The following NKAIN2 variants were observed in gnomAD, a reference collection of about 807,000 sequenced individuals.
NKAIN2 encodes sodium/potassium-transporting ATPase subunit beta-1-interacting protein 2.
Under a neutral mutation model 32.6 loss-of-function variants are expected in NKAIN2, and 14 were observed. The observed-to-expected ratio is 0.43, with a 90% confidence interval of 0.28 to 0.67. The LOEUF (loss-of-function observed/expected upper bound fraction) is 0.67, where lower values mean the gene tolerates loss of function less well. Ranked by LOEUF, NKAIN2 falls within the 30% of genes least tolerant of loss-of-function variation. The pLI is 0.17. For synonymous variants in NKAIN2, 80 were observed against 87.2 expected (o/e 0.92, Z 0.46); for missense variants, 198 against 258.3 (o/e 0.77, Z 1.60).
chr6:124,204,366 A>G (rs1790750659), intron 1 of NKAIN2, among the ~76,000 whole-genome samples: 1 of 151,838 alleles, frequency 6.6e-6, no homozygotes, highest in Non-Finnish European at 1.5e-5. Context: ...TGGGACCAGT[A>G]AATTACAGAT....
chr6:124,804,125 T>C (rs760128157), intron 5 of NKAIN2, among the ~76,000 whole-genome samples: 1 of 152,202 alleles, frequency 6.6e-6, no homozygotes, highest in Non-Finnish European at 1.5e-5. Context: ...CCCATCTTGA[T>C]GCTACCAAAC....
intron 3 of NKAIN2, among the ~76,000 whole-genome samples, chr6:124,408,289 G>A (rs1328841839): frequency 6.6e-6 from 1 of 152,050 alleles, no homozygotes; most frequent in Non-Finnish European, 1.5e-5. Flanking sequence ...TGTCCTGAAT[G>A]GTATTGTCTA....
rs114798074 is a variant in NKAIN2 at position 124,562,845 on chromosome 6, C to T, written c.274-95341C>T. 3.9e-3 allele frequency among the ~76,000 whole-genome samples: 587 copies of T among 151,738 alleles called. 3 individuals carry two copies. The highest frequency in any genetic ancestry group is 0.013 in the African/African-American group (551 of 41,334). On this transcript the variant is annotated intron_variant, in intron 3 of 6. Transcript: ENST00000368417. ...TATGCCATATAGCTTCGGAAAATGC[C>T]GCTGTATACTCAAGGAGAAAACAGG...
chr6:124,016,290 A>G (rs879614783), intron 1 of NKAIN2, among the ~76,000 whole-genome samples: 2 of 152,210 alleles, frequency 1.3e-5, no homozygotes, highest in Non-Finnish European at 2.9e-5. Flanking sequence ...TAAAGCCTCA[A>G]GCAGTTGTAC....
At chr6:123,816,953 A>C (rs1015796549) in intron 1 of NKAIN2, among the ~76,000 whole-genome samples, 1 of 152,134 alleles carries the variant, frequency 6.6e-6, no homozygotes. Flanking sequence ...GTTTTATTAA[A>C]GATGCTTGGA....
intron 1 of NKAIN2, among the ~76,000 whole-genome samples, chr6:124,055,847 T>G (rs2114843806): frequency 6.6e-6 from 1 of 152,170 alleles, no homozygotes; most frequent in African/African-American, 2.4e-5. Context: ...TTCAAAAAGG[T>G]AAGGCAATAG....
intron 1 of NKAIN2, among the ~76,000 whole-genome samples, chr6:123,845,530 A>G (rs1186109354): frequency 6.6e-6 from 1 of 152,234 alleles, no homozygotes; most frequent in Non-Finnish European, 1.5e-5. Context: ...TTTTTATTAT[A>G]CAGTTGACTC....
intron 4 of NKAIN2, among the ~76,000 whole-genome samples, chr6:124,661,248 G>C (rs1784735247): frequency 6.6e-6 from 1 of 152,146 alleles, no homozygotes; most frequent in Admixed American, 6.6e-5. Flanking sequence ...ATGCAGTTTT[G>C]TAAAGTCAGC....
rs563555163 is a variant in NKAIN2, at chr6:124,096,383, A to C, written c.55-186622A>C. 5.5e-4 allele frequency among the ~76,000 whole-genome samples: 84 copies of C among 152,308 alleles called. No individual in the cohort carries two copies. In the South Asian group the frequency reaches 5.8e-3, roughly 11 times the overall value. Reference sequence around the variant, plus strand: ...GGACATCCCAATACTCTGATGTTTTAATGATCAGGTCCAGGAATGGCTTTA... The same window carrying C: ...GGACATCCCAATACTCTGATGTTTTCATGATCAGGTCCAGGAATGGCTTTA... On this transcript the variant is annotated intron_variant, in intron 1 of 6. Coordinates refer to ENST00000368417, the MANE Select transcript of NKAIN2 (RefSeq NM_001040214.3).
chr6:124,123,922 T>G (rs543580531), intron 1 of NKAIN2, among the ~76,000 whole-genome samples: 111 of 152,210 alleles, frequency 7.3e-4, no homozygotes, highest in African/African-American at 2.2e-3. Flanking sequence ...TCGACTTTGG[T>G]TAATTGGATT....
chr6:123,889,789 C>A (rs771564267), intron 1 of NKAIN2, among the ~76,000 whole-genome samples: 1 of 152,100 alleles, frequency 6.6e-6, no homozygotes, highest in African/African-American at 2.4e-5. Flanking sequence ...ATAATTCATA[C>A]CTTCTCACCT....
chr6:123,822,145 G>A (rs996990961), intron 1 of NKAIN2, among the ~76,000 whole-genome samples: 18 of 151,984 alleles, frequency 1.2e-4, no homozygotes, highest in African/African-American at 4.4e-4. Flanking sequence ...ATGAGATAAT[G>A]TACTATATCC....
At chr6:123,828,591 G>T (rs1774244985) in intron 1 of NKAIN2, among the ~76,000 whole-genome samples, 1 of 152,094 alleles carries the variant, frequency 6.6e-6, no homozygotes, top group Non-Finnish European at 1.5e-5. Context: ...ATTATGTCTT[G>T]TTATTGAAGA....
intron 1 of NKAIN2, among the ~76,000 whole-genome samples, chr6:123,818,271 T>C (rs1184326669): frequency 6.6e-6 from 1 of 152,042 alleles, no homozygotes; most frequent in Non-Finnish European, 1.5e-5. Context: ...CAATAAAATA[T>C]GTGGATAAGA....
At chr6:124,329,194 C>T (rs1475362127) in intron 2 of NKAIN2, among the ~76,000 whole-genome samples, 3 of 151,326 alleles carry the variant, frequency 2.0e-5, no homozygotes, top group Non-Finnish European at 4.4e-5. Flanking sequence ...GGGGTCTATG[C>T]CACTGTTCAG....
At chr6:124,446,469 A>G (rs12202409) in intron 3 of NKAIN2, among the ~76,000 whole-genome samples, 102,780 of 151,748 alleles carry the variant, frequency 0.68, 37,503 homozygotes, top group South Asian at 0.81. Flanking sequence ...CAGCTTCCAG[A>G]GTAGCTAAAA....
intron 3 of NKAIN2, among the ~76,000 whole-genome samples, chr6:124,454,817 A>G (rs776321030): frequency 6.6e-6 from 1 of 152,062 alleles, no homozygotes. Flanking sequence ...AGCTTCTTTC[A>G]GGACTACTTA....
chr6:124,253,720 A>G (rs943090648), intron 1 of NKAIN2, among the ~76,000 whole-genome samples: 5 of 152,000 alleles, frequency 3.3e-5, no homozygotes, highest in Non-Finnish European at 7.4e-5. Flanking sequence ...GCAATAGCAT[A>G]CCTGTTATTT....
intron 3 of NKAIN2, among the ~76,000 whole-genome samples, chr6:124,504,855 T>C (rs760554482): frequency 1.3e-5 from 2 of 152,222 alleles, no homozygotes; most frequent in Non-Finnish European, 2.9e-5. Flanking sequence ...CTAGAAAGTA[T>C]GAACTAAATG....
Sources: allele counts gnomAD v4.1 joint callset (sites outside exome capture counted in the v4.1 genomes callset), GRCh38; gene constraint gnomAD v4.1.1; transcripts MANE v1.5; gene names NCBI Gene and HGNC (gene_info 2026-07-23, HGNC 2026-07-21).